The following MPP4 variants were observed in gnomAD, a reference collection of about 807,000 sequenced individuals.
MPP4 encodes the protein MAGUK p55 subfamily member 4.
In MPP4, 91 loss-of-function variants were observed where a neutral mutation model predicts 98.3. The ratio of observed to expected loss-of-function variants is 0.93; its 90% confidence interval spans 0.78 to 1.10. The LOEUF is 1.10. Among genes scored for constraint, MPP4 ranks in the 50% least tolerant of loss-of-function variants. The pLI is 0.00. For missense variants in MPP4, 744 were observed against 792.9 expected (o/e 0.94, Z 0.74); for synonymous variants, 261 against 271.8 (o/e 0.96, Z 0.39).
In MPP4 at chr2:201,682,892, A is replaced by G; in HGVS notation, c.599T>C (p.Leu200Pro). 6.2e-7 allele frequency: 1 copy of G among 1,613,952 alleles called. No homozygotes were observed. Among genetic ancestry groups the G allele is most frequent in the Middle Eastern group, 1.6e-4 (1 of 6,062 alleles). Reference sequence around the variant, plus strand: ...AACTGAAACTCCATTCACTTCTACCAGTTTGTCTCCAGCATATAGCAACCC... The same window carrying G: ...AACTGAAACTCCATTCACTTCTACCGGTTTGTCTCCAGCATATAGCAACCC... ...RSGLLYAGDKLVEVNGVSVEG... is the reference protein window; with the variant it reads ...RSGLLYAGDKPVEVNGVSVEG... Residue 200 changes from leucine (L) to proline (P), a missense_variant, in exon 8 of 22, where the codon CTG (leucine) becomes CCG (proline). Leu to Pro is a moderately conservative substitution (Grantham distance 98). Transcript: ENST00000409474.
At chr2:201,682,976 T>C in intron 7 of MPP4, 60 bp from the exon 8 acceptor site, 1 of 1,306,032 alleles carries the variant, frequency 7.7e-7, no homozygotes, top group Non-Finnish European at 1.1e-6. Flanking sequence ...AAAATAGCAG[T>C]AGCTACCTCG....
At chr2:201,680,624 T>G in intron 10 of MPP4, 1 of 508,664 alleles carries the variant, frequency 2.0e-6, no homozygotes, top group Non-Finnish European at 3.5e-6. Context: ...GACTTTTCCC[T>G]GTTTTCTAGC....
chr2:201,664,080 C>T lies in MPP4; in HGVS notation c.1072+1G>A, dbSNP rs562825462. On this transcript the variant is annotated splice_donor_variant, in intron 14 of 21. Transcript: ENST00000409474. LOFTEE classifies it high-confidence loss of function. ...GTACCAAATACTCATTTTTTACTTA[C>T]CAGATTCAAATGTTTCTTCATCTAT... is the stretch of plus-strand genomic sequence containing the variant. 5.3e-6 allele frequency: 8 copies of T among 1,517,902 alleles called. No homozygotes were observed. In the Admixed American group the frequency reaches 1.0e-4, roughly 19 times the overall value. 94.0% of individuals were successfully genotyped at this position (1,517,902 alleles called of 1,614,324 possible).
chr2:201,686,780 A>G (rs2540426), intron 5 of MPP4, among the ~76,000 whole-genome samples: 148,425 of 152,304 alleles, frequency 0.97, 72,432 homozygotes, highest in Middle Eastern at 1. Context: ...AAATACAGAC[A>G]TTGTCTTAAA....
At position 201,681,482 on chromosome 2, in the gene MPP4, C is replaced by T; in HGVS notation, c.732+14G>A. 6.2e-7 allele frequency: 1 copy of T among 1,603,496 alleles called. No individual in the cohort carries two copies. Among genetic ancestry groups the T allele is most frequent in the Non-Finnish European group, 8.5e-7 (1 of 1,170,532 alleles). ...TTTACTGTGTGTGAGATTGAAGGCT[C>T]AGTAAATTCTTACCATCTGCTGGCT... On this transcript the variant is annotated intron_variant, in intron 9 of 21. Transcript: ENST00000409474.
At chr2:201,654,349 T>C (rs753991366) in intron 18 of MPP4, among the ~76,000 whole-genome samples, 2 of 152,252 alleles carry the variant, frequency 1.3e-5, no homozygotes, top group Non-Finnish European at 2.9e-5. Context: ...TGTATAGGCA[T>C]ATATCAATTT....
intron 1 of MPP4, among the ~76,000 whole-genome samples, chr2:201,695,181 G>C (rs894915386): frequency 6.6e-6 from 1 of 152,100 alleles, no homozygotes; most frequent in Non-Finnish European, 1.5e-5. Context: ...TGTCACCCTA[G>C]GGTGTAGCAT....
chr2:201,647,642 C>T, intron 21 of MPP4, 49 bp downstream of exon 21: 1 of 1,589,632 alleles, frequency 6.3e-7, no homozygotes, highest in South Asian at 1.1e-5. Context: ...AGATCTCTCC[C>T]ACGCAGAAGC....
intron 2 of MPP4, among the ~76,000 whole-genome samples, chr2:201,693,283 A>T (rs892159006): frequency 3.2e-4 from 49 of 152,188 alleles, no homozygotes; most frequent in African/African-American, 1.2e-3. Flanking sequence ...TGTTCTTAAC[A>T]CTGAGTAAAA....
rs10931969 is a variant in MPP4, at chr2:201,693,964, C to A, written c.-10G>T. The A allele has an allele frequency of 6.2e-7, 1 of 1,613,836 alleles. No individual in the cohort carries two copies. The highest frequency in any genetic ancestry group is 2.2e-5 in the East Asian group (1 of 44,880). ...TGTCTGACTGTATCATCCTCCCTGCCGGAGCTTCTGAAAGGAATTCAGGAC... is the reference window on the plus strand; with the variant it reads ...TGTCTGACTGTATCATCCTCCCTGCAGGAGCTTCTGAAAGGAATTCAGGAC... On this transcript the variant is annotated 5_prime_UTR_variant, in exon 2 of 22. Coordinates refer to ENST00000409474, the MANE Select transcript of MPP4 (RefSeq NM_033066.3).
At chr2:201,647,576 G>T in intron 21 of MPP4, 115 bp downstream of exon 21, 1 of 1,109,338 alleles carries the variant, frequency 9.0e-7, no homozygotes. Context: ...TTGGAGAGGG[G>T]GTCAAAAAGG....
At chr2:201,647,914 G>GA in intron 20 of MPP4, 89 bp from the exon 21 acceptor site, 2 of 1,305,992 alleles carry the variant, frequency 1.5e-6, no homozygotes, top group Non-Finnish European at 2.1e-6. Context: ...GGAGTGCTGT[G>GA]GTGCAATCAC....
chr2:201,695,557 T>C (rs1220796723), intron 1 of MPP4, among the ~76,000 whole-genome samples: 1 of 152,176 alleles, frequency 6.6e-6, no homozygotes, highest in African/African-American at 2.4e-5. Flanking sequence ...TAGGTTGTCA[T>C]CAAGAAGTAA....
intron 17 of MPP4, 29 bp from the exon 18 acceptor site, chr2:201,654,946 C>A: frequency 7.1e-7 from 1 of 1,415,418 alleles, no homozygotes; most frequent in Non-Finnish European, 9.8e-7. Flanking sequence ...ACACAGAAAT[C>A]ATCAGATGTG....
intron 18 of MPP4, chr2:201,651,308 C>T (rs1202785224): frequency 1.0e-6 from 1 of 985,332 alleles, no homozygotes. Context: ...TTTCCTTATT[C>T]AAGCCTCTCA....
chr2:201,683,041 A>G (rs1688708083), intron 7 of MPP4, 125 bp from the exon 8 acceptor site: 1 of 639,292 alleles, frequency 1.6e-6, no homozygotes, highest in Non-Finnish European at 2.6e-6. Context: ...AATATAAAAT[A>G]ATAATAGAAA....
At chr2:201,664,198 G>A in intron 13 of MPP4, 97 bp from the exon 14 acceptor site, 1 of 1,502,334 alleles carries the variant, frequency 6.7e-7, no homozygotes, top group East Asian at 2.6e-5. Context: ...CCCTACTTCT[G>A]CCCATACACC....
At chr2:201,665,020 G>A (rs1688130970) in intron 13 of MPP4, 3 of 165,270 alleles carry the variant, frequency 1.8e-5, no homozygotes, top group Non-Finnish European at 4.4e-5. Context: ...TGGAAAAAAA[G>A]ATGGGGGTGA....
intron 20 of MPP4, among the ~76,000 whole-genome samples, chr2:201,649,184 C>A (rs765062211): frequency 8.5e-5 from 13 of 152,132 alleles, no homozygotes; most frequent in Admixed American, 3.9e-4. Context: ...ACTTGCTCAC[C>A]CCTGCTCCAT....
Sources: allele counts gnomAD v4.1 joint callset (sites outside exome capture counted in the v4.1 genomes callset), GRCh38; gene constraint gnomAD v4.1.1; transcripts MANE v1.5; gene names NCBI Gene and HGNC (gene_info 2026-07-23, HGNC 2026-07-21).